The following ANKRD6 variants were observed in gnomAD, a reference collection of about 807,000 sequenced individuals.
ANKRD6 encodes the protein ankyrin repeat domain-containing protein 6.
A neutral mutation model predicts 82.3 loss-of-function variants in ANKRD6; 56 were observed. The ratio of observed to expected loss-of-function variants is 0.68; its 90% confidence interval spans 0.55 to 0.85. The LOEUF is 0.85. Among genes scored for constraint, ANKRD6 ranks in the 40% least tolerant of loss-of-function variants. The pLI, the probability that ANKRD6 is intolerant of heterozygous loss-of-function variation, is 0.00. For synonymous variants in ANKRD6, 347 were observed against 352.1 expected (o/e 0.99, Z 0.16); for missense variants, 852 against 907.6 (o/e 0.94, Z 0.79).
chr6:89,612,472 G>A, intron 6 of ANKRD6, 102 bp downstream of exon 6: 2 of 1,224,156 alleles, frequency 1.6e-6, no homozygotes, highest in Admixed American at 2.5e-5. Flanking sequence ...AAATTAAAAT[G>A]TAAAAAGTAT....
At chr6:89,481,183 C>T (rs1776764602) in intron 1 of ANKRD6, among the ~76,000 whole-genome samples, 2 of 152,084 alleles carry the variant, frequency 1.3e-5, no homozygotes, top group African/African-American at 4.8e-5. Context: ...GCATCCCCCA[C>T]TTTAGCTCTT....
chr6:89,605,124 C>T (rs145179647), intron 4 of ANKRD6, among the ~76,000 whole-genome samples: 4,763 of 152,308 alleles, frequency 0.031, 110 homozygotes, highest in Middle Eastern at 0.061. Context: ...CGGTGGCTCA[C>T]GCCTGTAATC....
chr6:89,479,950 A>T (rs1227116047), intron 1 of ANKRD6, among the ~76,000 whole-genome samples: 2 of 152,170 alleles, frequency 1.3e-5, no homozygotes, highest in Admixed American at 6.5e-5. Context: ...AAACAGTTTA[A>T]TACTTCCTGC....
intron 1 of ANKRD6, among the ~76,000 whole-genome samples, chr6:89,541,238 T>A (rs1316419755): frequency 6.6e-6 from 1 of 152,196 alleles, no homozygotes; most frequent in African/African-American, 2.4e-5. Flanking sequence ...TTTAACAACA[T>A]TGATTTCTTC....
chr6:89,556,627 G>A (rs942358103), intron 1 of ANKRD6, among the ~76,000 whole-genome samples: 7 of 152,188 alleles, frequency 4.6e-5, no homozygotes, highest in South Asian at 2.1e-4. Context: ...GTTAGAGACC[G>A]TTGCAATAAC....
At chr6:89,599,867 A>G (rs562072272) in intron 3 of ANKRD6, among the ~76,000 whole-genome samples, 4 of 152,084 alleles carry the variant, frequency 2.6e-5, no homozygotes, top group South Asian at 4.1e-4. Flanking sequence ...AGCCAAGGAC[A>G]GCCACTTTTG....
chr6:89,463,314 A>C (rs1465127683), intron 1 of ANKRD6, among the ~76,000 whole-genome samples: 1 of 152,058 alleles, frequency 6.6e-6, no homozygotes, highest in Non-Finnish European at 1.5e-5. Context: ...TATCGTATGG[A>C]TATACCATAA....
At chr6:89,519,837 T>G (rs988419152) in intron 1 of ANKRD6, among the ~76,000 whole-genome samples, 8 of 152,230 alleles carry the variant, frequency 5.3e-5, no homozygotes, top group African/African-American at 1.9e-4. Context: ...ATGCTATCTG[T>G]TAAAGAAAAT....
intron 6 of ANKRD6, among the ~76,000 whole-genome samples, 172 bp downstream of exon 6, chr6:89,612,542 T>C (rs1800492947): frequency 6.6e-6 from 1 of 152,258 alleles, no homozygotes; most frequent in South Asian, 2.1e-4. Context: ...CATTCAGGCA[T>C]GTGAGAAGAA....
chr6:89,562,546 C>G (rs1787598762), intron 1 of ANKRD6: 1 of 152,356 alleles, frequency 6.6e-6, no homozygotes, highest in African/African-American at 2.4e-5. Context: ...TTCCTCCGAT[C>G]TGTGAATTGT....
intron 2 of ANKRD6, among the ~76,000 whole-genome samples, chr6:89,573,556 C>T (rs73752773): frequency 0.077 from 11,748 of 152,164 alleles, 539 homozygotes; most frequent in Middle Eastern, 0.15. Flanking sequence ...GTATTAGATC[C>T]CTGTTTGCTG....
intron 1 of ANKRD6, among the ~76,000 whole-genome samples, chr6:89,496,176 GCC>G (rs368122603): frequency 2.2e-5 from 3 of 138,038 alleles, no homozygotes; most frequent in Non-Finnish European, 3.2e-5. Context: ...TTTCCACACT[GCC>G]CCCCCCCCCA....
At chr6:89,607,507 A>G (rs1355487889) in intron 5 of ANKRD6, among the ~76,000 whole-genome samples, 1 of 152,228 alleles carries the variant, frequency 6.6e-6, no homozygotes, top group Non-Finnish European at 1.5e-5. Context: ...AAATTTGTGT[A>G]TTTAAAAATT....
At chr6:89,476,032 G>C (rs1434601327) in intron 1 of ANKRD6, among the ~76,000 whole-genome samples, 9 of 152,132 alleles carry the variant, frequency 5.9e-5, no homozygotes, top group Non-Finnish European at 1.5e-5. Flanking sequence ...ACTTTTACAT[G>C]AAAAGTGTTA....
At chr6:89,526,629 C>A (rs772336209) in intron 1 of ANKRD6, among the ~76,000 whole-genome samples, 2 of 152,076 alleles carry the variant, frequency 1.3e-5, no homozygotes, top group Non-Finnish European at 2.9e-5. Flanking sequence ...CAGGGTTCTC[C>A]GAGAAACAGA....
chr6:89,590,791 C>T, intron 2 of ANKRD6, among the ~76,000 whole-genome samples: 1 of 152,198 alleles, frequency 6.6e-6, no homozygotes. Context: ...TGCTGTATAA[C>T]TTAGAACAAG....
chr6:89,625,176 G>A (rs1240506211), intron 13 of ANKRD6, among the ~76,000 whole-genome samples: 5 of 151,980 alleles, frequency 3.3e-5, no homozygotes, highest in Admixed American at 1.3e-4. Context: ...CCAGCTACTC[G>A]GGAGGCTGAG....
chr6:89,447,096 A>T (rs1224776241), intron 1 of ANKRD6, among the ~76,000 whole-genome samples: 1 of 152,182 alleles, frequency 6.6e-6, no homozygotes, highest in Non-Finnish European at 1.5e-5. Context: ...TCTACAAAAA[A>T]TTAAAAAATT....
At chr6:89,621,192 G>A (rs759134560) in intron 9 of ANKRD6, 38 of 152,320 alleles carry the variant, frequency 2.5e-4, no homozygotes, top group Non-Finnish European at 4.8e-4. Context: ...TTATAGGCAT[G>A]AGCCACTGCG....
Sources: gnomAD v4.1 joint callset for allele counts (sites outside exome capture counted in the v4.1 genomes callset) on GRCh38, gnomAD v4.1.1 for gene constraint, MANE v1.5 for transcripts, NCBI Gene and HGNC (gene_info 2026-07-23, HGNC 2026-07-21) for gene names.